Variants in PROS1 observed in about 807,000 individuals in gnomAD.
PROS1 encodes the protein vitamin K-dependent protein S.
Under a neutral mutation model 75.9 loss-of-function variants are expected in PROS1, and 29 were observed. That is an observed-to-expected ratio of 0.38 (90% CI 0.28 to 0.52). The LOEUF is 0.52. PROS1 is among the 20% of genes least tolerant of loss of function. The pLI is 0.83. For synonymous variants in PROS1, 245 were observed against 280.6 expected (o/e 0.87, Z 1.27); for missense variants, 680 against 810.3 (o/e 0.84, Z 1.95).
At chr3:93,960,956 G>T (rs550783356) in intron 1 of PROS1, among the ~76,000 whole-genome samples, 2 of 150,888 alleles carry the variant, frequency 1.3e-5, no homozygotes, top group African/African-American at 4.9e-5. Flanking sequence ...AAACAAAGGC[G>T]GTTTTTTAAA....
intron 1 of PROS1, among the ~76,000 whole-genome samples, chr3:93,931,081 C>T (rs534571089): frequency 8.9e-4 from 135 of 152,286 alleles, no homozygotes; most frequent in African/African-American, 3.2e-3. Flanking sequence ...TGATACATAA[C>T]AATGTTCAAA....
At chr3:93,936,488 C>T (rs779948262) in intron 1 of PROS1, among the ~76,000 whole-genome samples, 1 of 152,024 alleles carries the variant, frequency 6.6e-6, no homozygotes, top group Non-Finnish European at 1.5e-5. Flanking sequence ...TAAGAAGGGA[C>T]TCAGGGGAGT....
chr3:93,887,151 C>T (rs1349618491), intron 10 of PROS1, among the ~76,000 whole-genome samples: 1 of 152,014 alleles, frequency 6.6e-6, no homozygotes, highest in Admixed American at 6.6e-5. Context: ...ATCTCCTGAC[C>T]TCATGATCCA....
rs527926383 is a variant in PROS1 at position 93,952,067 on chromosome 3, C to A, written c.76+21607G>T. Among the ~76,000 whole-genome samples, 10 of 152,270 alleles carry A rather than the reference C, an allele frequency of 6.6e-5. No homozygotes were observed. The South Asian group carries it at 1.9e-3, about 28-fold the overall frequency. Reference sequence around the variant, plus strand: ...TATATATGCACCCAATACAGGAGCACCCAGATTCACAAAGCAAGTCCTTAG... The same window carrying A: ...TATATATGCACCCAATACAGGAGCAACCAGATTCACAAAGCAAGTCCTTAG... On this transcript the variant is annotated intron_variant, in intron 1 of 14. Coordinates refer to ENST00000394236, the MANE Select transcript of PROS1 (RefSeq NM_000313.4).
At chr3:93,926,774 C>CACTA (rs1709025185) in intron 2 of PROS1, among the ~76,000 whole-genome samples, 1 of 152,268 alleles carries the variant, frequency 6.6e-6, no homozygotes, top group South Asian at 2.1e-4. Context: ...CTCCCTCTAA[C>CACTA]ACTATCAAAT....
chr3:93,923,874 C>G (rs1356620747), intron 3 of PROS1, among the ~76,000 whole-genome samples: 1 of 151,772 alleles, frequency 6.6e-6, no homozygotes, highest in Non-Finnish European at 1.5e-5. Context: ...AGCACTCCAG[C>G]CTGGGTGACA....
intron 2 of PROS1, among the ~76,000 whole-genome samples, chr3:93,925,381 G>T (rs1406323247): frequency 6.6e-6 from 1 of 152,042 alleles, no homozygotes; most frequent in African/African-American, 2.4e-5. Flanking sequence ...GTGATATTGC[G>T]ACCGTCAAAG....
chr3:93,938,325 CT>C (rs1225950782), intron 1 of PROS1, among the ~76,000 whole-genome samples: 5 of 152,180 alleles, frequency 3.3e-5, no homozygotes, highest in Admixed American at 1.3e-4. Context: ...GGCCCCACCC[CT>C]ATCTCCCTTT....
chr3:93,949,202 T>A (rs1408650570), intron 1 of PROS1, among the ~76,000 whole-genome samples: 2 of 152,168 alleles, frequency 1.3e-5, no homozygotes, highest in African/African-American at 4.8e-5. Flanking sequence ...CAGACAATAT[T>A]AGGCAGTGCC....
intron 10 of PROS1, among the ~76,000 whole-genome samples, chr3:93,889,235 C>A (rs935788654): frequency 6.6e-6 from 1 of 152,116 alleles, no homozygotes; most frequent in Non-Finnish European, 1.5e-5. Flanking sequence ...ACATGAATAA[C>A]TATCTGGCAT....
At chr3:93,892,132 C>T (rs990590361) in intron 10 of PROS1, among the ~76,000 whole-genome samples, 1 of 151,946 alleles carries the variant, frequency 6.6e-6, no homozygotes, top group African/African-American at 2.4e-5. Context: ...GAGTTTGAGA[C>T]CAGCCTTGCC....
chr3:93,944,646 A>T (rs965118334), intron 1 of PROS1, among the ~76,000 whole-genome samples: 3 of 152,246 alleles, frequency 2.0e-5, no homozygotes, highest in Admixed American at 2.0e-4. Context: ...TCTGGGACAC[A>T]TTTAAAGCAG....
intron 3 of PROS1, 33 bp from the exon 4 acceptor site, chr3:93,910,738 G>C: frequency 6.5e-7 from 1 of 1,531,054 alleles, no homozygotes. Flanking sequence ...TCTTCTTAGA[G>C]TAGACACACA....
intron 8 of PROS1, among the ~76,000 whole-genome samples, chr3:93,898,202 C>G (rs1209690605): frequency 6.6e-6 from 1 of 151,980 alleles, no homozygotes; most frequent in East Asian, 1.9e-4. Context: ...AATGTACAGA[C>G]TACAGATAAG....
intron 12 of PROS1, among the ~76,000 whole-genome samples, chr3:93,880,047 T>G (rs1708252974): frequency 6.6e-6 from 1 of 152,214 alleles, no homozygotes; most frequent in Non-Finnish European, 1.5e-5. Context: ...CTGAATGAAG[T>G]CTTCCTCATT....
Position 93,898,478 on chromosome 3 carries a change from G to A in PROS1, c.819C>T (p.Phe273=). 1 of 1,612,674 alleles carries A rather than the reference G, an allele frequency of 6.2e-7. No individual in the cohort carries two copies. The highest frequency in any genetic ancestry group is 8.5e-7 in the Non-Finnish European group (1 of 1,178,992). ...YTCYCDGKKG[F]KLAQDQKSCE... ...AACTCTTCTGATCTTGGGCAAGTTTGAATCCTTTCTTCCCATCACAATAGC... is the reference window on the plus strand; with the variant it reads ...AACTCTTCTGATCTTGGGCAAGTTTAAATCCTTTCTTCCCATCACAATAGC... The change falls in exon 8 of 15, where the codon TTC becomes TTT. Residue 273 remains phenylalanine (F), a synonymous_variant. Coordinates refer to ENST00000394236, the MANE Select transcript of PROS1 (RefSeq NM_000313.4).
intron 1 of PROS1, among the ~76,000 whole-genome samples, chr3:93,930,525 T>G (rs2107208394): frequency 6.6e-6 from 1 of 152,320 alleles, no homozygotes; most frequent in Admixed American, 6.5e-5. Flanking sequence ...TGGCATTTTT[T>G]CCTTACACAA....
At chr3:93,891,152 A>G (rs1303178339) in intron 10 of PROS1, among the ~76,000 whole-genome samples, 1 of 152,050 alleles carries the variant, frequency 6.6e-6, no homozygotes, top group Non-Finnish European at 1.5e-5. Flanking sequence ...TAAATAAATA[A>G]ATTGAGATCA....
intron 3 of PROS1, among the ~76,000 whole-genome samples, chr3:93,922,843 A>C (rs1309958349): frequency 2.0e-5 from 3 of 152,176 alleles, no homozygotes. Context: ...CAAAATATGA[A>C]ATTTAAATTA....
Sources: gnomAD v4.1 joint callset for allele counts (sites outside exome capture counted in the v4.1 genomes callset) on GRCh38, gnomAD v4.1.1 for gene constraint, MANE v1.5 for transcripts, NCBI Gene and HGNC (gene_info 2026-07-23, HGNC 2026-07-21) for gene names.